Variants in DNMT3A observed in about 807,000 individuals in gnomAD.
The protein encoded by DNMT3A is DNA methyltransferase 3 alpha, also known as DNA (cytosine-5)-methyltransferase 3A.
Under a neutral mutation model 117.6 loss-of-function variants are expected in DNMT3A, and 267 were observed. The observed-to-expected ratio is 2.27, with a 90% CI of 2.05 to 2.51. The LOEUF (loss-of-function observed/expected upper bound fraction) is 2.51, where lower values mean the gene tolerates loss of function less well. Ranked by LOEUF, DNMT3A falls within the 30% of genes most tolerant of loss-of-function variation. The probability of loss-of-function intolerance (pLI) is 0.00; values close to 1 mark genes in which losing one functional copy is unlikely to be tolerated. For missense variants in DNMT3A, 1,029 were observed against 1,260.2 expected (o/e 0.82, Z 2.78); for synonymous variants, 432 against 474.8 (o/e 0.91, Z 1.17).
chr2:25,269,459 G>A (rs751031570), intron 6 of DNMT3A, among the ~76,000 whole-genome samples: 7 of 152,192 alleles, frequency 4.6e-5, no homozygotes, highest in Non-Finnish European at 1.0e-4. Context: ...AGAATGGACT[G>A]GGGAAATCAC....
intron 17 of DNMT3A, 78 bp downstream of exon 17, chr2:25,241,483 GA>G: frequency 1.3e-6 from 2 of 1,518,784 alleles, no homozygotes; most frequent in Non-Finnish European, 1.8e-6. Context: ...TGAACAAAAT[GA>G]AAGGAGGCAA....
intron 4 of DNMT3A, among the ~76,000 whole-genome samples, chr2:25,277,658 T>C (rs2031544446): frequency 6.6e-6 from 1 of 152,146 alleles, no homozygotes; most frequent in African/African-American, 2.4e-5. Flanking sequence ...TTAATTACTT[T>C]TACGGATAAT....
Position 25,247,451 on chromosome 2 carries a change from T to C in DNMT3A, c.1014+140A>G. ...CAACCTAATTATCCCTACAGCTTCT[T>C]CCACCCACCACAGGCAGAGTAGGGG... On this transcript the variant is annotated intron_variant, in intron 8 of 22. Transcript: ENST00000321117. The surrounding 1 kb of genome is among the most constrained non-coding windows in gnomAD (Gnocchi z 5.6). 1 of 1,326,428 alleles carries C rather than the reference T, an allele frequency of 7.5e-7. No homozygotes were observed. The highest frequency in any genetic ancestry group is 1.0e-6 in the Non-Finnish European group (1 of 972,374). The allele number at this position is 1,326,428 out of a possible 1,614,324, so 82.2% of individuals were successfully genotyped here.
At chr2:25,256,499 T>C (rs560229070) in intron 6 of DNMT3A, among the ~76,000 whole-genome samples, 2 of 152,316 alleles carry the variant, frequency 1.3e-5, no homozygotes, top group African/African-American at 2.4e-5. Context: ...ATGTGTCTAT[T>C]TGAATTAAAT....
rs766387756 is a variant in DNMT3A at position 25,286,192 on chromosome 2, T to C, written c.178-3481A>G. Among the ~76,000 whole-genome samples the C allele has an allele frequency of 1.4e-4, 21 of 152,180 alleles. No individual in the cohort carries two copies. The highest frequency in any genetic ancestry group is 2.9e-4 in the Non-Finnish European group (20 of 68,030). On this transcript the variant is annotated intron_variant, in intron 3 of 22. Coordinates refer to ENST00000321117, the MANE Select transcript of DNMT3A (RefSeq NM_022552.5). The surrounding 1 kb of genome is among the most constrained non-coding windows in gnomAD (Gnocchi z 4.3). ...CCTGTTGACTGCTGGCTCCGTAGCATAGAGACCTATGAGGGCCGGCTCTGA... is the reference window on the plus strand; with the variant it reads ...CCTGTTGACTGCTGGCTCCGTAGCACAGAGACCTATGAGGGCCGGCTCTGA...
chr2:25,236,815 A>G lies in DNMT3A; in HGVS notation c.2478+121T>C. ...GCTGCATGACCCTGCACCGTCTCCT[A>G]AATTGCATTCTCCACACTAGCTGGA... On this transcript the variant is annotated intron_variant, in intron 21 of 22. Transcript: ENST00000321117. This position sits in a 1 kb window ranked among gnomAD's most constrained non-coding sequence, Gnocchi z 4.5. 1 of 1,091,384 alleles carries G rather than the reference A, an allele frequency of 9.2e-7. No homozygotes were observed. The highest frequency in any genetic ancestry group is 1.3e-6 in the Non-Finnish European group (1 of 766,814). 67.6% of individuals were successfully genotyped at this position (1,091,384 alleles called of 1,614,324 possible).
In DNMT3A at chr2:25,247,565, GGCTACT is replaced by G; in HGVS notation, c.1014+20_1014+25del. The G allele has an allele frequency of 6.2e-7, 1 of 1,609,094 alleles. No individual in the cohort carries two copies. Among genetic ancestry groups the G allele is most frequent in the Non-Finnish European group, 8.5e-7 (1 of 1,176,660 alleles). Reference sequence around the variant, plus strand: ...GGATCAAGAACCTTCCCCCACCCCAGGCTACTGCCAAACCCCACAACTTACCACTGA... The same window carrying G: ...GGATCAAGAACCTTCCCCCACCCCAGGCCAAACCCCACAACTTACCACTGA... On this transcript the variant is annotated intron_variant, in intron 8 of 22. Coordinates refer to ENST00000321117, the MANE Select transcript of DNMT3A (RefSeq NM_022552.5). The surrounding 1 kb of genome is among the most constrained non-coding windows in gnomAD (Gnocchi z 5.6).
chr2:25,280,101 C>A (rs2031772660), intron 4 of DNMT3A, among the ~76,000 whole-genome samples: 1 of 152,128 alleles, frequency 6.6e-6, no homozygotes, highest in African/African-American at 2.4e-5. Flanking sequence ...ACCCAGGAAT[C>A]ATCCTTGACA....
intron 2 of DNMT3A, among the ~76,000 whole-genome samples, chr2:25,301,044 G>A (rs1235450435): frequency 2.6e-5 from 4 of 151,740 alleles, no homozygotes; most frequent in East Asian, 3.9e-4. Flanking sequence ...GCTGAGGCAG[G>A]TGGATCATGA....
intron 2 of DNMT3A, among the ~76,000 whole-genome samples, chr2:25,313,097 A>G (rs2034206180): frequency 1.3e-5 from 2 of 152,142 alleles, no homozygotes; most frequent in South Asian, 4.1e-4. Flanking sequence ...AGGGCAACAC[A>G]GTCCAGTGCT....
chr2:25,338,373 G>C (rs2035287444), intron 1 of DNMT3A, among the ~76,000 whole-genome samples: 1 of 152,234 alleles, frequency 6.6e-6, no homozygotes, highest in African/African-American at 2.4e-5. Flanking sequence ...TCACCCATTA[G>C]AGTCCTCTTT....
At chr2:25,334,519 C>A (rs1016906002) in intron 1 of DNMT3A, among the ~76,000 whole-genome samples, 18 of 152,232 alleles carry the variant, frequency 1.2e-4, no homozygotes, top group Non-Finnish European at 1.3e-4. Flanking sequence ...CCTCCAGTTC[C>A]CCAGGAACCA....
intron 2 of DNMT3A, among the ~76,000 whole-genome samples, chr2:25,313,560 G>GT (rs1404518434): frequency 6.6e-6 from 1 of 152,202 alleles, no homozygotes; most frequent in African/African-American, 2.4e-5. Context: ...AGTGATTCAC[G>GT]TGAAGGCCCA....
intron 1 of DNMT3A, among the ~76,000 whole-genome samples, chr2:25,321,760 C>T (rs1292957694): frequency 1.3e-5 from 2 of 152,182 alleles, no homozygotes; most frequent in Non-Finnish European, 2.9e-5. Flanking sequence ...GTGGCACATG[C>T]CTGTAGTCCC....
intron 6 of DNMT3A, among the ~76,000 whole-genome samples, chr2:25,269,287 C>T (rs1424482060): frequency 6.6e-6 from 1 of 152,180 alleles, no homozygotes; most frequent in Non-Finnish European, 1.5e-5. Flanking sequence ...AGAGACTGCA[C>T]CACTGCACCC....
At chr2:25,328,969 C>T (rs1227228954) in intron 1 of DNMT3A, among the ~76,000 whole-genome samples, 1 of 152,176 alleles carries the variant, frequency 6.6e-6, no homozygotes, top group East Asian at 1.9e-4. Flanking sequence ...TCCCCCAACC[C>T]CACTTCCTAA....
intron 2 of DNMT3A, among the ~76,000 whole-genome samples, chr2:25,303,484 C>T (rs987428408): frequency 3.3e-5 from 5 of 152,210 alleles, no homozygotes; most frequent in African/African-American, 1.2e-4. Flanking sequence ...AAGGGGTGGA[C>T]CCCCCGGTGC....
intron 2 of DNMT3A, among the ~76,000 whole-genome samples, chr2:25,310,485 C>A (rs1052114513): frequency 2.0e-5 from 3 of 152,068 alleles, no homozygotes; most frequent in African/African-American, 7.2e-5. Flanking sequence ...GTAGGGCAGG[C>A]GGCAGGTGCC....
intron 6 of DNMT3A, 98 bp from the exon 7 acceptor site, chr2:25,248,350 G>A (rs573171448): frequency 7.4e-7 from 1 of 1,353,002 alleles, no homozygotes; most frequent in African/African-American, 1.5e-5. Context: ...ACCCGGAACA[G>A]TGACAGAAGG....
Sources: allele counts gnomAD v4.1 joint callset (sites outside exome capture counted in the v4.1 genomes callset), GRCh38; gene constraint gnomAD v4.1.1; non-coding constraint Gnocchi (gnomAD v3.1); transcripts MANE v1.5; gene names NCBI Gene and HGNC (gene_info 2026-07-23, HGNC 2026-07-21).